CKAP5: variants seen among roughly 807,000 people sequenced by gnomAD.
The protein encoded by CKAP5 is cytoskeleton associated protein 5, also known as cytoskeleton-associated protein 5.
A neutral mutation model predicts 232.8 loss-of-function variants in CKAP5; 27 were observed. The ratio of observed to expected loss-of-function variants is 0.12; its 90% CI spans 0.09 to 0.16. The LOEUF (loss-of-function observed/expected upper bound fraction) is 0.16. Ranked by LOEUF, CKAP5 falls within the 10% of genes least tolerant of loss-of-function variation. The pLI is 1.00. For synonymous variants in CKAP5, 785 were observed against 841.1 expected, an observed-to-expected ratio of 0.93 and a Z score of 1.16; for missense variants, 1,838 against 2,424.7, an observed-to-expected ratio of 0.76 and a Z score of 5.08.
At chr11:46,805,488 G>C (rs1939132375) in intron 8 of CKAP5, among the ~76,000 whole-genome samples, 1 of 152,016 alleles carries the variant, frequency 6.6e-6, no homozygotes, top group Admixed American at 6.5e-5. Context: ...AAAAAGGATT[G>C]GTCTGTAATC....
Position 46,809,441 on chromosome 11 carries a change from C to G in CKAP5, c.823G>C (p.Glu275Gln), listed in dbSNP as rs1342284072. 2 of 1,613,354 alleles carry G rather than the reference C, an allele frequency of 1.2e-6. No homozygotes were observed. Among genetic ancestry groups the G allele is most frequent in the African/African-American group, 2.7e-5 (2 of 74,882 alleles). ...IDAYELLEAV[E>Q]ILSKLPKDFY... Reference sequence around the variant, plus strand: ...TCTTTGGGAAGTTTGGAAAGGATTTCTACAGCTTCTAAAAGCTCATAAGCA... The same window carrying G: ...TCTTTGGGAAGTTTGGAAAGGATTTGTACAGCTTCTAAAAGCTCATAAGCA... The change falls in exon 7 of 44, where the codon GAA becomes CAA. Residue 275 changes from glutamate to glutamine, a missense_variant. Glu to Gln is a conservative substitution (Grantham distance 29, BLOSUM62 2). This residue lies in a region of CKAP5 where 97 missense variants were observed against 167.7 expected (regional missense o/e 0.58). Coordinates refer to ENST00000529230, the MANE Select transcript of CKAP5 (RefSeq NM_001008938.4).
At chr11:46,785,018 T>C (rs990578855) in intron 16 of CKAP5, among the ~76,000 whole-genome samples, 1 of 152,130 alleles carries the variant, frequency 6.6e-6, no homozygotes, top group Non-Finnish European at 1.5e-5. Flanking sequence ...AAATACACAA[T>C]AAATTACTAT....
At chr11:46,796,721 T>G in intron 12 of CKAP5, 91 bp downstream of exon 12, 1 of 1,422,834 alleles carries the variant, frequency 7.0e-7, no homozygotes, top group Admixed American at 2.2e-5. Flanking sequence ...TCATCAAAAC[T>G]ACCAGTACTC....
intron 13 of CKAP5, among the ~76,000 whole-genome samples, chr11:46,791,250 T>G (rs1397620662): frequency 6.7e-6 from 1 of 150,114 alleles, no homozygotes; most frequent in Non-Finnish European, 1.5e-5. Flanking sequence ...TTTGGGTTTT[T>G]TTTTTTTTTT....
At chr11:46,807,939 G>A in intron 8 of CKAP5, 92 bp downstream of exon 8, 1 of 798,498 alleles carries the variant, frequency 1.3e-6, no homozygotes. Flanking sequence ...TTCCTTAAGT[G>A]GCAATGTATG....
intron 8 of CKAP5, among the ~76,000 whole-genome samples, chr11:46,804,781 C>T (rs1939114727): frequency 6.6e-6 from 1 of 151,566 alleles, no homozygotes; most frequent in Non-Finnish European, 1.5e-5. Flanking sequence ...AGATTAATAC[C>T]ACATAGAAGT....
intron 2 of CKAP5, chr11:46,820,896 G>A (rs756091760): frequency 1.1e-5 from 4 of 355,802 alleles, no homozygotes; most frequent in Non-Finnish European, 2.0e-5. Context: ...ATATTGTACT[G>A]TATATACAAG....
In CKAP5 at chr11:46,797,797, G is replaced by T; in HGVS notation, c.1338+8C>A. ...AAATATTCCCCCAACTTCAAAGAGA[G>T]TCTGTACCTTAAGTAGTGCAGCACA... On this transcript the variant is annotated splice_region_variant and intron_variant, in intron 11 of 43. Coordinates refer to ENST00000529230, the MANE Select transcript of CKAP5 (RefSeq NM_001008938.4). The T allele has an allele frequency of 6.3e-7, 1 of 1,598,752 alleles. No homozygotes were observed. The highest frequency in any genetic ancestry group is 8.5e-7 in the Non-Finnish European group (1 of 1,176,166).
chr11:46,816,244 G>A lies in CKAP5; in HGVS notation c.412C>T (p.Pro138Ser). The A allele has an allele frequency of 6.2e-7, 1 of 1,614,072 alleles. No homozygotes were observed. The highest frequency in any genetic ancestry group is 8.5e-7 in the Non-Finnish European group (1 of 1,180,008). Residue 138 changes from proline to serine, a missense_variant, in exon 4 of 44, where the codon CCC (proline) becomes TCC (serine). Transcript: ENST00000529230. ...ELLKGLDNKN[P>S]KIIVACIETL... is the part of the protein sequence containing the mutation. The stretch of plus-strand genomic sequence containing the variant: ...TCTATACAGGCCACTATGATCTTGG[G>A]ATTCTTATTGTCCAAGCCTTTCAGG...
chr11:46,820,623 A>G (rs1939503841), intron 2 of CKAP5: 1 of 152,162 alleles, frequency 6.6e-6, no homozygotes, highest in Admixed American at 6.5e-5. Flanking sequence ...TAAAAATGAA[A>G]GAAACTAGAG....
rs71042626 is a variant in CKAP5 at position 46,838,793 on chromosome 11, C to CAAA, written c.-38+7424_-38+7426dup. ...TAGGAGACAGAGTGGGACCCCATCT[C>CAAA]AAAAAAAAAAAAAAAAAAAAAAAAA... On this transcript the variant is annotated intron_variant, in intron 1 of 43. Coordinates refer to ENST00000529230, the MANE Select transcript of CKAP5 (RefSeq NM_001008938.4). 3.0e-3 allele frequency among the ~76,000 whole-genome samples: 138 copies of CAAA among 45,900 alleles called. 27 individuals carry two copies. Among genetic ancestry groups the CAAA allele is most frequent in the African/African-American group, 0.013 (104 of 7,976 alleles). 30.1% of individuals were successfully genotyped at this position (45,900 alleles called of 152,430 possible).
chr11:46,765,450 T>G (rs1403076763), intron 27 of CKAP5, among the ~76,000 whole-genome samples, 194 bp from the exon 28 acceptor site: 1 of 152,238 alleles, frequency 6.6e-6, no homozygotes, highest in African/African-American at 2.4e-5. Context: ...CTGAGAATAT[T>G]CTTAAGTAAC....
At chr11:46,797,046 T>A (rs1938893871) in intron 11 of CKAP5, 106 bp from the exon 12 acceptor site, 3 of 1,261,208 alleles carry the variant, frequency 2.4e-6, no homozygotes, top group African/African-American at 3.0e-5. Flanking sequence ...CTTTTTACAA[T>A]TTACTGGAAC....
chr11:46,816,514 T>A (rs947650102), intron 3 of CKAP5, 110 bp from the exon 4 acceptor site: 5 of 743,696 alleles, frequency 6.7e-6, no homozygotes, highest in Non-Finnish European at 1.1e-5. Context: ...ATACAGTAAA[T>A]GAGTCTTTAA....
At chr11:46,799,819 CA>C (rs1251648762) in intron 9 of CKAP5, among the ~76,000 whole-genome samples, 1 of 152,044 alleles carries the variant, frequency 6.6e-6, no homozygotes, top group Non-Finnish European at 1.5e-5. Context: ...GGCAAGGTGG[CA>C]AAACCCCATC....
chr11:46,820,283 A>C (rs1227699011), intron 2 of CKAP5, among the ~76,000 whole-genome samples: 1 of 152,148 alleles, frequency 6.6e-6, no homozygotes, highest in Non-Finnish European at 1.5e-5. Context: ...TTGAAGAGCT[A>C]CATGTTGATT....
At chr11:46,763,437 T>C in intron 29 of CKAP5, 44 bp downstream of exon 29, 1 of 1,525,824 alleles carries the variant, frequency 6.6e-7, no homozygotes, top group Non-Finnish European at 8.9e-7. Context: ...CTCGGTATTT[T>C]TACATGTCTG....
rs2065001315 is a variant in CKAP5 at position 46,743,730 on chromosome 11, A to G, written c.*293T>C. 1 of 276,274 alleles carries G rather than the reference A, an allele frequency of 3.6e-6. No individual in the cohort carries two copies. The highest frequency in any genetic ancestry group is 6.7e-6 in the Non-Finnish European group (1 of 149,136). The allele number at this position is 276,274 out of a possible 1,614,324, so 17.1% of individuals were successfully genotyped here. On this transcript the variant is annotated 3_prime_UTR_variant, in exon 44 of 44. Transcript: ENST00000529230. ...GATTAGGACAATTTTACAAATGAGC[A>G]ATTAAAAAGAAAAGAAAAGGATCTG...
chr11:46,766,811 G>A (rs1321995737), intron 27 of CKAP5, among the ~76,000 whole-genome samples: 1 of 152,116 alleles, frequency 6.6e-6, no homozygotes, highest in South Asian at 2.1e-4. Context: ...TGAACACACT[G>A]CTTTAAATTG....
Sources: gnomAD v4.1 joint callset for allele counts (sites outside exome capture counted in the v4.1 genomes callset) on GRCh38, gnomAD v4.1.1 for gene constraint, gnomAD v4.1.1 regional missense constraint, MANE v1.5 for transcripts, NCBI Gene and HGNC (gene_info 2026-07-23, HGNC 2026-07-21) for gene names.